SYNDIG1: variants seen among roughly 807,000 people sequenced by gnomAD.
SYNDIG1 encodes synapse differentiation-inducing gene protein 1.
Under a neutral mutation model 19.4 loss-of-function variants are expected in SYNDIG1, and 9 were observed. That is an observed-to-expected ratio of 0.46 (90% CI 0.28 to 0.81). The LOEUF (loss-of-function observed/expected upper bound fraction) is 0.81. Among genes scored for constraint, SYNDIG1 ranks in the 30% least tolerant of loss-of-function variants. The pLI is 0.12. For synonymous variants in SYNDIG1, 141 were observed against 145.9 expected, an observed-to-expected ratio of 0.97 and a Z score of 0.24; for missense variants, 311 against 343.3, an observed-to-expected ratio of 0.91 and a Z score of 0.74.
At chr20:24,493,362 G>A (rs112843284) in intron 1 of SYNDIG1, among the ~76,000 whole-genome samples, 39 of 152,030 alleles carry the variant, frequency 2.6e-4, no homozygotes, top group Middle Eastern at 6.8e-3. Context: ...ATGGAAACAC[G>A]CATGCACACA....
At chr20:24,597,806 G>A (rs768416408) in intron 3 of SYNDIG1, among the ~76,000 whole-genome samples, 3 of 152,092 alleles carry the variant, frequency 2.0e-5, no homozygotes, top group Admixed American at 1.3e-4. Context: ...GAGTCACCTC[G>A]GTGTGCAAGA....
chr20:24,539,811 C>T (rs988751489), intron 1 of SYNDIG1, among the ~76,000 whole-genome samples: 1 of 151,956 alleles, frequency 6.6e-6, no homozygotes, highest in African/African-American at 2.4e-5. Flanking sequence ...TGGAGTCTTG[C>T]TCTGTCACCC....
intron 2 of SYNDIG1, 87 bp downstream of exon 2, chr20:24,543,664 T>G (rs892023154): frequency 1.3e-6 from 2 of 1,526,862 alleles, no homozygotes; most frequent in African/African-American, 2.8e-5. Context: ...CTGGCAAAAG[T>G]TAGGGAATGA....
At chr20:24,612,387 G>T (rs1194170229) in intron 3 of SYNDIG1, among the ~76,000 whole-genome samples, 1 of 152,128 alleles carries the variant, frequency 6.6e-6, no homozygotes, top group Admixed American at 6.5e-5. Flanking sequence ...TATTGTGATG[G>T]TCCCTGTTGA....
intron 1 of SYNDIG1, among the ~76,000 whole-genome samples, chr20:24,517,116 A>G (rs1042267111): frequency 6.6e-6 from 1 of 152,096 alleles, no homozygotes; most frequent in Admixed American, 6.5e-5. Context: ...ACACTTGGAC[A>G]CAGGAAGGGG....
intron 2 of SYNDIG1, among the ~76,000 whole-genome samples, chr20:24,564,019 A>G (rs893406857): frequency 1.8e-4 from 27 of 152,256 alleles, no homozygotes; most frequent in African/African-American, 6.5e-4. Flanking sequence ...TCAGTGATGG[A>G]CTTTCTGTTC....
At chr20:24,513,026 G>A (rs1479195841) in intron 1 of SYNDIG1, among the ~76,000 whole-genome samples, 1 of 152,220 alleles carries the variant, frequency 6.6e-6, no homozygotes, top group African/African-American at 2.4e-5. Context: ...GGTCTGGAGT[G>A]GACCTCCAGC....
chr20:24,662,291 C>T (rs909850193), intron 3 of SYNDIG1, among the ~76,000 whole-genome samples: 22 of 151,958 alleles, frequency 1.4e-4, no homozygotes, highest in African/African-American at 4.3e-4. Context: ...ATTGCTATGG[C>T]GCAAGTTTAC....
intron 3 of SYNDIG1, among the ~76,000 whole-genome samples, chr20:24,627,400 G>C (rs957024371): frequency 6.6e-6 from 1 of 152,164 alleles, no homozygotes; most frequent in Non-Finnish European, 1.5e-5. Flanking sequence ...ATGAAAAACT[G>C]TTGATGCCTG....
At chr20:24,610,853 C>T (rs1046745452) in intron 3 of SYNDIG1, among the ~76,000 whole-genome samples, 2 of 152,292 alleles carry the variant, frequency 1.3e-5, no homozygotes, top group African/African-American at 2.4e-5. Context: ...CAGGAGGAAG[C>T]CAGGCCACTC....
chr20:24,475,193 A>G (rs981840470), intron 1 of SYNDIG1, among the ~76,000 whole-genome samples: 1 of 152,338 alleles, frequency 6.6e-6, no homozygotes, highest in East Asian at 1.9e-4. Context: ...ATTCCTGAAG[A>G]TGCTAATGGG....
Position 24,543,053 on chromosome 20 carries a change from C to T in SYNDIG1, c.-45C>T, listed in dbSNP as rs375573031. On this transcript the variant is annotated 5_prime_UTR_variant, in exon 2 of 4. Coordinates refer to ENST00000376862, the MANE Select transcript of SYNDIG1 (RefSeq NM_024893.3). ...GCTTCCCTGAGGCAAGTGTAACCTACATTCCCAGCCCACCAGCCTGACGCC... is the reference window on the plus strand; with the variant it reads ...GCTTCCCTGAGGCAAGTGTAACCTATATTCCCAGCCCACCAGCCTGACGCC... The T allele has an allele frequency of 3.1e-5, 49 of 1,585,632 alleles. No homozygotes were observed. The highest frequency in any genetic ancestry group is 4.0e-5 in the Non-Finnish European group (47 of 1,163,000).
intron 3 of SYNDIG1, among the ~76,000 whole-genome samples, chr20:24,654,496 A>G (rs2059503064): frequency 6.6e-6 from 1 of 152,124 alleles, no homozygotes; most frequent in Non-Finnish European, 1.5e-5. Context: ...ATACTATCCC[A>G]TAGAAGGCTT....
At chr20:24,628,111 C>G (rs550104910) in intron 3 of SYNDIG1, among the ~76,000 whole-genome samples, 120 of 152,292 alleles carry the variant, frequency 7.9e-4, no homozygotes, top group African/African-American at 2.8e-3. Flanking sequence ...GAGTACGGCT[C>G]GCTCTCCGGG....
intron 3 of SYNDIG1, among the ~76,000 whole-genome samples, chr20:24,607,655 T>C (rs1208037965): frequency 6.6e-6 from 1 of 152,170 alleles, no homozygotes; most frequent in African/African-American, 2.4e-5. Flanking sequence ...AGGGCCGAAA[T>C]TCACAGGCAG....
At chr20:24,519,195 G>C (rs1600504566) in intron 1 of SYNDIG1, among the ~76,000 whole-genome samples, 1 of 152,342 alleles carries the variant, frequency 6.6e-6, no homozygotes, top group East Asian at 1.9e-4. Context: ...CCAGGAGGCA[G>C]TGTGAGAGTT....
At chr20:24,555,669 A>G (rs1052942934) in intron 2 of SYNDIG1, among the ~76,000 whole-genome samples, 1 of 152,202 alleles carries the variant, frequency 6.6e-6, no homozygotes, top group African/African-American at 2.4e-5. Context: ...GGTCTGAGAG[A>G]TAGTTTATTA....
Position 24,658,220 on chromosome 20 carries a change from A to G in SYNDIG1, c.619-7126A>G, listed in dbSNP as rs2059547927. Reference sequence around the variant, plus strand: ...AAAGCTCATTGGAAACTCCATGAAGAGCGAAGAGAAATGGCAGCCTGTGGG... The same window carrying G: ...AAAGCTCATTGGAAACTCCATGAAGGGCGAAGAGAAATGGCAGCCTGTGGG... On this transcript the variant is annotated intron_variant, in intron 3 of 3. Transcript: ENST00000376862. This position sits in a 1 kb window ranked among gnomAD's most constrained non-coding sequence, Gnocchi z 4.4. Among the ~76,000 whole-genome samples, 1 of 152,178 alleles carries G rather than the reference A, an allele frequency of 6.6e-6. No individual in the cohort carries two copies. Among genetic ancestry groups the G allele is most frequent in the Admixed American group, 6.5e-5 (1 of 15,278 alleles).
intron 3 of SYNDIG1, among the ~76,000 whole-genome samples, chr20:24,614,585 C>G (rs1281404854): frequency 8.3e-6 from 1 of 120,232 alleles, no homozygotes; most frequent in Non-Finnish European, 1.6e-5. Context: ...ATCTTAGAAA[C>G]TGAGACTAGG....
Sources: gnomAD v4.1 joint callset for allele counts (sites outside exome capture counted in the v4.1 genomes callset) on GRCh38, gnomAD v4.1.1 for gene constraint, Gnocchi (gnomAD v3.1) non-coding constraint, MANE v1.5 for transcripts, NCBI Gene and HGNC (gene_info 2026-07-23, HGNC 2026-07-21) for gene names.